OTOF: variants seen among roughly 807,000 people sequenced by gnomAD.
OTOF encodes the protein fer-1-like family member 2.
A neutral mutation model predicts 236.8 loss-of-function variants in OTOF; 218 were observed. The observed-to-expected ratio is 0.92, with a 90% CI of 0.82 to 1.03. The LOEUF is 1.03. OTOF is among the 50% of genes least tolerant of loss of function. The pLI, the probability that OTOF is intolerant of heterozygous loss-of-function variation, is 0.00. For missense variants in OTOF, 2,590 were observed against 2,694.4 expected, an observed-to-expected ratio of 0.96 and a Z score of 0.86; for synonymous variants, 1,041 against 1,072.5, an observed-to-expected ratio of 0.97 and a Z score of 0.57.
chr2:26,480,460 G>A (rs530591134), intron 15 of OTOF, 149 bp from the exon 16 acceptor site: 44 of 702,094 alleles, frequency 6.3e-5, no homozygotes, highest in African/African-American at 5.8e-4. Flanking sequence ...ACACCCCAAC[G>A]GCCCCCCAGC....
At chr2:26,458,671 GC>G (rs1479073382) in intron 46 of OTOF, among the ~76,000 whole-genome samples, 1 of 152,190 alleles carries the variant, frequency 6.6e-6, no homozygotes, top group Non-Finnish European at 1.5e-5. Flanking sequence ...TCACCGACCT[GC>G]CCACTCTCAG....
At chr2:26,504,089 G>A (rs1260695238) in intron 5 of OTOF, among the ~76,000 whole-genome samples, 1 of 152,096 alleles carries the variant, frequency 6.6e-6, no homozygotes. Flanking sequence ...GGAGGAGAGG[G>A]ATGGGGTCCC....
At chr2:26,476,462 G>A (rs1473850520) in intron 22 of OTOF, 145 bp from the exon 23 acceptor site, 2 of 723,136 alleles carry the variant, frequency 2.8e-6, no homozygotes, top group Admixed American at 2.4e-5. Flanking sequence ...GGTGGAGGCA[G>A]GAGGATGGGC....
Position 26,476,991 on chromosome 2 carries a change from C to A in OTOF, c.2576G>T (p.Arg859Leu), listed in dbSNP as rs761627839. 6.2e-7 allele frequency: 1 copy of A among 1,611,640 alleles called. No homozygotes were observed. Among genetic ancestry groups the A allele is most frequent in the Non-Finnish European group, 8.5e-7 (1 of 1,179,502 alleles). ...GGAGGGCACACGGGCATAGGCGACA[C>A]GCTTGTTGTTGCTCATCATCCAGAT... ...IFIWMMSNNKRVAYARVPSKD... is the reference protein window; with the variant it reads ...IFIWMMSNNKLVAYARVPSKD... The change falls in exon 22 of 47, where the codon CGT (arginine) becomes CTT (leucine). Residue 859 changes from arginine to leucine, a missense_variant. By Grantham distance (102) the Arg-to-Leu change is moderately radical (BLOSUM62 -2). This residue lies in a region of OTOF where 1,379 missense variants were observed against 1,341.6 expected (regional missense o/e 1.03). Transcript: ENST00000272371.
At position 26,514,399 on chromosome 2, in the gene OTOF, C is replaced by T. The variant is rs189830402; in HGVS notation, c.509+2019G>A. Among the ~76,000 whole-genome samples, 7 of 152,314 alleles carry T rather than the reference C, an allele frequency of 4.6e-5. No individual in the cohort carries two copies. The East Asian group carries it at 7.7e-4, about 17-fold the overall frequency. On this transcript the variant is annotated intron_variant, in intron 5 of 46. Coordinates refer to ENST00000272371, the MANE Select transcript of OTOF (RefSeq NM_194248.3). ...AAGCCACCAGGCTGTGAGGAAGGGT[C>T]GGGGGAGCCCTCTTATCTCCAGATT... is the stretch of plus-strand genomic sequence containing the variant.
In OTOF at chr2:26,475,420, G is replaced by A. The variant is rs1665207246; in HGVS notation, c.3065C>T (p.Ala1022Val). 3.1e-6 allele frequency: 5 copies of A among 1,613,110 alleles called. No homozygotes were observed. Among genetic ancestry groups the A allele is most frequent in the Non-Finnish European group, 2.5e-6 (3 of 1,179,958 alleles). Residue 1022 changes from alanine (A) to valine (V), a missense_variant, in exon 25 of 47, where the codon GCT (alanine) becomes GTT (valine). Physicochemically the swap from Ala to Val is moderately conservative, Grantham distance 64. This residue lies in a region of OTOF where 1,211 missense variants were observed against 1,352.8 expected (regional missense o/e 0.90). Transcript: ENST00000272371. ...VFDNLELYGE[A>V]HELRDDPPII... ...GGGCGGATCGTCCCTCAGCTCATGA[G>A]CTTCACCATAGAGCTCCAGGTTGTC... is the stretch of plus-strand genomic sequence containing the variant.
At position 26,483,774 on chromosome 2, in the gene OTOF, T is replaced by C. The variant is rs4665328; in HGVS notation, c.1206-126A>G. ...ACAGCTGAGGGAGCAAGGCTAGGAT[T>C]AGACACTTGTGTTCACGGAACTTGC... On this transcript the variant is annotated intron_variant, in intron 12 of 46. Coordinates refer to ENST00000272371, the MANE Select transcript of OTOF (RefSeq NM_194248.3). 0.48 allele frequency: 392,110 copies of C among 811,914 alleles called. 99,299 individuals are homozygous for C. Among genetic ancestry groups the C allele is most frequent in the East Asian group, 0.89 (33,139 of 37,266 alleles). 50.3% of individuals were successfully genotyped at this position (811,914 alleles called of 1,614,324 possible).
intron 41 of OTOF, among the ~76,000 whole-genome samples, 178 bp downstream of exon 41, chr2:26,463,305 T>G (rs1664569808): frequency 6.6e-6 from 1 of 152,198 alleles, no homozygotes; most frequent in Non-Finnish European, 1.5e-5. Flanking sequence ...GGCCCTAAAC[T>G]CTATCGATTG....
chr2:26,474,116 G>A lies in OTOF; in HGVS notation c.3289-6C>T, dbSNP rs765780155. 1.9e-6 allele frequency: 3 copies of A among 1,612,834 alleles called. No individual in the cohort carries two copies. The highest frequency in any genetic ancestry group is 2.2e-5 in the South Asian group (2 of 91,080). On this transcript the variant is annotated splice_polypyrimidine_tract_variant and splice_region_variant and intron_variant, in intron 26 of 46. Coordinates refer to ENST00000272371, the MANE Select transcript of OTOF (RefSeq NM_194248.3). ...GCCTTCCCTGCTGGTCCAATCTGGG[G>A]AATGGGGGTCACAGGTCACACACTG...
chr2:26,552,025 A>G (rs1432524653), intron 1 of OTOF, among the ~76,000 whole-genome samples: 8 of 151,694 alleles, frequency 5.3e-5, no homozygotes, highest in African/African-American at 1.7e-4. Flanking sequence ...ATGGTACAAC[A>G]TAGGGCCATG....
chr2:26,505,332 A>G (rs1666220931), intron 5 of OTOF, among the ~76,000 whole-genome samples: 1 of 152,202 alleles, frequency 6.6e-6, no homozygotes, highest in Admixed American at 6.5e-5. Flanking sequence ...AGAAAGGGAA[A>G]GAAAGAGGCT....
At chr2:26,498,455 C>T (rs1666041726) in intron 8 of OTOF, among the ~76,000 whole-genome samples, 1 of 152,148 alleles carries the variant, frequency 6.6e-6, no homozygotes, top group Admixed American at 6.5e-5. Context: ...AAATGATGCA[C>T]TTGAAATAAA....
intron 13 of OTOF, 97 bp from the exon 14 acceptor site, chr2:26,482,689 ACATGTGTG>A (rs1390185310): frequency 2.1e-6 from 2 of 957,960 alleles, no homozygotes; most frequent in East Asian, 2.6e-5. Flanking sequence ...GTGAGTGGGC[ACATGTGTG>A]CATGTGTGAG....
rs769672854 is a variant in OTOF at position 26,465,989 on chromosome 2, C to T, written c.4588G>A (p.Glu1530Lys). ...RLGKTDIRDK[E>K]NYISKQLNPV... Reference sequence around the variant, plus strand: ...TTGAGCTGCTTGGAGATGTAGTTCTCCTTGTCGCGGATGTCAGTCTTGCCT... The same window carrying T: ...TTGAGCTGCTTGGAGATGTAGTTCTTCTTGTCGCGGATGTCAGTCTTGCCT... The change falls in exon 37 of 47, where the codon GAG becomes AAG. Residue 1530 changes from glutamate to lysine, a missense_variant. Glu to Lys is a moderately conservative substitution (Grantham distance 56). This residue lies in a region of OTOF where 1,211 missense variants were observed against 1,352.8 expected (regional missense o/e 0.90). Coordinates refer to ENST00000272371, the MANE Select transcript of OTOF (RefSeq NM_194248.3). 2.5e-6 allele frequency: 4 copies of T among 1,614,234 alleles called. No individual in the cohort carries two copies. In the South Asian group the frequency reaches 3.3e-5, roughly 13 times the overall value.
In OTOF at chr2:26,503,855, G is replaced by A; in HGVS notation, c.510-10C>T. ...CACGCTCCTCCCGGCTCTGTGAGGG[G>A]GGCCACCAGAATGAGGTGCAGGGAG... On this transcript the variant is annotated splice_polypyrimidine_tract_variant and intron_variant, in intron 5 of 46. Coordinates refer to ENST00000272371, the MANE Select transcript of OTOF (RefSeq NM_194248.3). The A allele has an allele frequency of 6.2e-7, 1 of 1,613,734 alleles. No homozygotes were observed. Among genetic ancestry groups the A allele is most frequent in the Non-Finnish European group, 8.5e-7 (1 of 1,179,620 alleles).
chr2:26,554,270 C>A lies in OTOF; in HGVS notation c.79+4223G>T, dbSNP rs1222934699. Among the ~76,000 whole-genome samples the A allele has an allele frequency of 8.0e-5, 12 of 150,908 alleles. No homozygotes were observed. The Admixed American group carries it at 8.0e-4, about 10-fold the overall frequency. ...GGAGTAAGAGCCAAGGTTCTTGGTT[C>A]TTGGCCCTTGAGGCCTCTTCCAGTC... On this transcript the variant is annotated intron_variant, in intron 1 of 46. Coordinates refer to ENST00000272371, the MANE Select transcript of OTOF (RefSeq NM_194248.3).
chr2:26,537,425 G>A (rs1667097546), intron 2 of OTOF, among the ~76,000 whole-genome samples: 1 of 152,232 alleles, frequency 6.6e-6, no homozygotes, highest in Non-Finnish European at 1.5e-5. Context: ...TTCTCCACAG[G>A]GAATAACAGG....
chr2:26,469,376 C>T (rs778494918), intron 32 of OTOF, among the ~76,000 whole-genome samples: 2 of 152,182 alleles, frequency 1.3e-5, no homozygotes, highest in Admixed American at 6.5e-5. Flanking sequence ...TGGTGGGAGA[C>T]GAGACTACCA....
intron 1 of OTOF, among the ~76,000 whole-genome samples, chr2:26,554,644 G>T (rs980425917): frequency 6.6e-6 from 1 of 152,286 alleles, no homozygotes; most frequent in African/African-American, 2.4e-5. Context: ...CGTTCTCAAG[G>T]TGGAGGGTGG....
Sources: gnomAD v4.1 joint callset for allele counts (sites outside exome capture counted in the v4.1 genomes callset) on GRCh38, gnomAD v4.1.1 for gene constraint, gnomAD v4.1.1 regional missense constraint, MANE v1.5 for transcripts, NCBI Gene and HGNC (gene_info 2026-07-23, HGNC 2026-07-21) for gene names.